BIRC6: variants seen among roughly 807,000 people sequenced by gnomAD.
BIRC6 encodes the protein dual E2 ubiquitin-conjugating enzyme/E3 ubiquitin-protein ligase BIRC6.
Under a neutral mutation model 503.3 loss-of-function variants are expected in BIRC6, and 98 were observed. That is an observed-to-expected ratio of 0.19 (90% CI 0.17 to 0.23). The LOEUF (loss-of-function observed/expected upper bound fraction) is 0.23. Among genes scored for constraint, BIRC6 ranks in the 10% least tolerant of loss-of-function variants. BIRC6 has a pLI of 1.00. For missense variants in BIRC6, 5,360 were observed against 5,806.0 expected (o/e 0.92, Z 2.50); for synonymous variants, 2,240 against 2,078.7 (o/e 1.08, Z -2.11).
At chr2:32,510,764 AT>A in intron 53 of BIRC6, 130 bp downstream of exon 53, 1 of 629,530 alleles carries the variant, frequency 1.6e-6, no homozygotes. Context: ...TGTTTACCAT[AT>A]GCCTCACACG....
chr2:32,482,367 A>C, intron 38 of BIRC6, 62 bp from the exon 39 acceptor site: 1 of 1,530,752 alleles, frequency 6.5e-7, no homozygotes. Flanking sequence ...AGATAATGTA[A>C]ATAACGTGTC....
At chr2:32,439,947 C>T (rs1486030319) in intron 16 of BIRC6, among the ~76,000 whole-genome samples, 3 of 152,172 alleles carry the variant, frequency 2.0e-5, no homozygotes, top group Non-Finnish European at 2.9e-5. Context: ...GGCGCAAACT[C>T]GGCTCACTGC....
intron 8 of BIRC6, among the ~76,000 whole-genome samples, chr2:32,404,540 C>T (rs187228459): frequency 1.7e-4 from 26 of 152,136 alleles, no homozygotes; most frequent in African/African-American, 5.3e-4. Context: ...TCTCAAACTC[C>T]GGGCCTCACG....
At chr2:32,615,737 C>T (rs1423957455) in intron 73 of BIRC6, among the ~76,000 whole-genome samples, 1 of 152,094 alleles carries the variant, frequency 6.6e-6, no homozygotes, top group East Asian at 1.9e-4. Context: ...CTGGTTCAAG[C>T]GATGCTCCTG....
intron 23 of BIRC6, among the ~76,000 whole-genome samples, chr2:32,459,592 A>G (rs2047612309): frequency 6.6e-6 from 1 of 152,144 alleles, no homozygotes; most frequent in South Asian, 2.1e-4. Flanking sequence ...TTTAAAATTT[A>G]GGGCCTTTAT....
intron 59 of BIRC6, chr2:32,527,956 A>G (rs113073005): frequency 2.6e-5 from 4 of 152,328 alleles, no homozygotes; most frequent in African/African-American, 9.6e-5. Flanking sequence ...TGCATTAACA[A>G]CAGAATGAAA....
chr2:32,521,073 C>T (rs1314223482), intron 57 of BIRC6, among the ~76,000 whole-genome samples: 7 of 151,898 alleles, frequency 4.6e-5, no homozygotes, highest in South Asian at 4.1e-4. Context: ...TGGAAGTACA[C>T]GACCTCAAAA....
intron 73 of BIRC6, among the ~76,000 whole-genome samples, chr2:32,617,058 G>A (rs1160775258): frequency 1.3e-5 from 2 of 152,140 alleles, no homozygotes; most frequent in Admixed American, 6.6e-5. Context: ...TTGTGCCGCT[G>A]CTCTCCAGCC....
intron 59 of BIRC6, chr2:32,527,322 A>T (rs529365191): frequency 2.6e-5 from 4 of 152,200 alleles, no homozygotes; most frequent in African/African-American, 4.8e-5. Context: ...ATATCACCCA[A>T]TTCATCCTCC....
At chr2:32,578,811 C>CAT (rs921901021) in intron 66 of BIRC6, among the ~76,000 whole-genome samples, 2 of 141,292 alleles carry the variant, frequency 1.4e-5, no homozygotes, top group African/African-American at 5.5e-5. Context: ...AAAATACATA[C>CAT]ATACATACAT....
chr2:32,473,827 A>T (rs2049403717), intron 33 of BIRC6, among the ~76,000 whole-genome samples: 1 of 138,840 alleles, frequency 7.2e-6, no homozygotes, highest in South Asian at 2.2e-4. Context: ...ATCATAGTTC[A>T]CTGCAGTCTC....
chr2:32,508,319 T>C (rs938879635), intron 51 of BIRC6, 60 bp downstream of exon 51: 2 of 1,388,010 alleles, frequency 1.4e-6, no homozygotes, highest in African/African-American at 3.9e-5. Context: ...GGTTGGGAGA[T>C]AGGGGACTTA....
chr2:32,487,525 C>A, intron 40 of BIRC6, 122 bp from the exon 41 acceptor site: 1 of 774,822 alleles, frequency 1.3e-6, no homozygotes. Flanking sequence ...TTGTTTTGAA[C>A]CATTCTAAAG....
intron 1 of BIRC6, among the ~76,000 whole-genome samples, chr2:32,365,058 A>G (rs2034695492): frequency 6.6e-6 from 1 of 152,182 alleles, no homozygotes; most frequent in Admixed American, 6.5e-5. Context: ...GAGTTTTTAT[A>G]AAAACTTAAT....
chr2:32,380,874 G>A (rs1464806500), intron 3 of BIRC6, among the ~76,000 whole-genome samples: 1 of 152,204 alleles, frequency 6.6e-6, no homozygotes, highest in Non-Finnish European at 1.5e-5. Flanking sequence ...TCAAGAGGCT[G>A]ATGAAAGAAG....
At chr2:32,416,550 T>A (rs145053493) in intron 10 of BIRC6, among the ~76,000 whole-genome samples, 1 of 152,052 alleles carries the variant, frequency 6.6e-6, no homozygotes, top group African/African-American at 2.4e-5. Context: ...CTAGGCTTAT[T>A]AGAATGAAAT....
Position 32,499,543 on chromosome 2 carries a change from G to T in BIRC6, c.8469-4G>T. On this transcript the variant is annotated splice_region_variant and splice_polypyrimidine_tract_variant and intron_variant, in intron 45 of 73. Coordinates refer to ENST00000421745, the MANE Select transcript of BIRC6 (RefSeq NM_016252.4). ...TTTCTGTCTCTCTCTCTCTCTCTCT[G>T]CAGGGGTGCTTTCCAGACAGGCCAA... 1.3e-6 allele frequency: 2 copies of T among 1,585,474 alleles called. No individual in the cohort carries two copies. The highest frequency in any genetic ancestry group is 1.7e-6 in the Non-Finnish European group (2 of 1,165,858).
At chr2:32,600,688 C>T (rs942470517) in intron 70 of BIRC6, among the ~76,000 whole-genome samples, 4 of 152,278 alleles carry the variant, frequency 2.6e-5, no homozygotes, top group African/African-American at 7.2e-5. Flanking sequence ...CTCAAGGCTT[C>T]GTTGCATAGA....
intron 65 of BIRC6, among the ~76,000 whole-genome samples, chr2:32,554,745 CT>C (rs1053234761): frequency 1.2e-4 from 18 of 147,906 alleles, no homozygotes; most frequent in South Asian, 2.1e-4. Context: ...GTTTAAAGCT[CT>C]TTTTTTTTTA....
Sources: allele counts gnomAD v4.1 joint callset (sites outside exome capture counted in the v4.1 genomes callset), GRCh38; gene constraint gnomAD v4.1.1; transcripts MANE v1.5; gene names NCBI Gene and HGNC (gene_info 2026-07-23, HGNC 2026-07-21).